The following ACOXL variants were observed in gnomAD, a reference collection of about 807,000 sequenced individuals.
ACOXL encodes acyl-coenzyme A oxidase-like protein.
ACOXL carries 70 observed loss-of-function variants against 71.9 expected under a neutral mutation model. The observed-to-expected ratio is 0.97, with a 90% CI of 0.80 to 1.19. The LOEUF is 1.19. Ranked by LOEUF, ACOXL falls within the 50% of genes most tolerant of loss-of-function variation. The pLI is 0.00. For synonymous variants in ACOXL, 253 were observed against 281.6 expected (o/e 0.90, Z 1.02); for missense variants, 703 against 736.3 (o/e 0.95, Z 0.52).
chr2:111,089,803 A>G (rs1385195151), intron 16 of ACOXL, among the ~76,000 whole-genome samples: 2 of 152,240 alleles, frequency 1.3e-5, no homozygotes, highest in African/African-American at 4.8e-5. Flanking sequence ...CTTTGCATGT[A>G]AAAGTATAGA....
intron 10 of ACOXL, among the ~76,000 whole-genome samples, chr2:110,871,548 G>T (rs13029175): frequency 0.32 from 48,281 of 151,892 alleles, 8,073 homozygotes; most frequent in South Asian, 0.49. Context: ...ACTGGTTGGG[G>T]ATGTGGCTCA....
At chr2:111,075,550 TATC>T (rs1439115918) in intron 16 of ACOXL, among the ~76,000 whole-genome samples, 3 of 152,066 alleles carry the variant, frequency 2.0e-5, no homozygotes, top group African/African-American at 7.2e-5. Flanking sequence ...TATTTTTCTC[TATC>T]ATATTTCTAT....
chr2:111,078,141 T>C (rs1443314513), intron 16 of ACOXL, among the ~76,000 whole-genome samples: 1 of 145,714 alleles, frequency 6.9e-6, no homozygotes, highest in African/African-American at 2.5e-5. Flanking sequence ...TCTATTATTC[T>C]ATCTTCTAGT....
chr2:110,748,967 A>G (rs1678582111), intron 1 of ACOXL, among the ~76,000 whole-genome samples: 1 of 152,236 alleles, frequency 6.6e-6, no homozygotes, highest in Non-Finnish European at 1.5e-5. Context: ...AAAAGGGACC[A>G]GGAAAAAGGG....
intron 16 of ACOXL, among the ~76,000 whole-genome samples, chr2:111,068,214 A>T (rs2149913413): frequency 6.6e-6 from 1 of 152,278 alleles, no homozygotes; most frequent in East Asian, 1.9e-4. Flanking sequence ...AAGGTGTTGG[A>T]GGCTGAGGAA....
intron 12 of ACOXL, among the ~76,000 whole-genome samples, chr2:110,975,287 T>C (rs533307850): frequency 6.6e-5 from 10 of 152,312 alleles, no homozygotes; most frequent in Non-Finnish European, 1.5e-4. Context: ...TCAAACAAAT[T>C]TCAAGACAGA....
At chr2:110,873,821 A>G (rs1695564547) in intron 10 of ACOXL, among the ~76,000 whole-genome samples, 1 of 152,212 alleles carries the variant, frequency 6.6e-6, no homozygotes, top group Admixed American at 6.5e-5. Context: ...ATACAGGGAG[A>G]CAGGCTCTCC....
At chr2:110,757,644 A>T (rs1679873413) in intron 1 of ACOXL, among the ~76,000 whole-genome samples, 1 of 151,468 alleles carries the variant, frequency 6.6e-6, no homozygotes, top group Non-Finnish European at 1.5e-5. Flanking sequence ...TTCTCTAATG[A>T]TCAGTGATGT....
chr2:110,956,205 A>T (rs2061495838), intron 12 of ACOXL, among the ~76,000 whole-genome samples: 2 of 152,022 alleles, frequency 1.3e-5, no homozygotes, highest in Admixed American at 6.6e-5. Context: ...GGATTACAGG[A>T]GTGCCACAGA....
At chr2:110,779,170 A>T (rs769796936) in intron 2 of ACOXL, among the ~76,000 whole-genome samples, 2 of 152,216 alleles carry the variant, frequency 1.3e-5, no homozygotes, top group South Asian at 2.1e-4. Context: ...CCTTTCATCA[A>T]TCCTGCACTG....
intron 14 of ACOXL, among the ~76,000 whole-genome samples, chr2:111,023,178 G>A (rs1312066970): frequency 2.0e-5 from 3 of 152,174 alleles, no homozygotes; most frequent in Non-Finnish European, 2.9e-5. Flanking sequence ...TTATTGATCA[G>A]GACTGGACTC....
chr2:111,050,551 T>C (rs1337303706), intron 16 of ACOXL, among the ~76,000 whole-genome samples: 1 of 152,228 alleles, frequency 6.6e-6, no homozygotes, highest in Non-Finnish European at 1.5e-5. Flanking sequence ...TTTTCTCTGC[T>C]CACCGGCCTT....
intron 11 of ACOXL, among the ~76,000 whole-genome samples, chr2:110,911,087 A>T (rs1451187510): frequency 6.6e-6 from 1 of 152,166 alleles, no homozygotes; most frequent in Non-Finnish European, 1.5e-5. Context: ...ATATAAGAGA[A>T]TACTATGAAC....
intron 2 of ACOXL, among the ~76,000 whole-genome samples, chr2:110,780,342 T>C (rs1683171073): frequency 6.6e-6 from 1 of 152,220 alleles, no homozygotes. Context: ...TCTCATTCAT[T>C]GTTGCGAGGA....
At chr2:110,883,792 T>C (rs1438257618) in intron 10 of ACOXL, among the ~76,000 whole-genome samples, 1 of 152,230 alleles carries the variant, frequency 6.6e-6, no homozygotes, top group African/African-American at 2.4e-5. Flanking sequence ...ACATGCTGCC[T>C]TTGAACTAGA....
intron 16 of ACOXL, among the ~76,000 whole-genome samples, chr2:111,076,508 T>G (rs1425608322): frequency 4.6e-5 from 7 of 152,236 alleles, no homozygotes; most frequent in Admixed American, 4.6e-4. Context: ...GTACACAACT[T>G]AGGTTTTTTT....
intron 3 of ACOXL, among the ~76,000 whole-genome samples, chr2:110,793,255 T>G (rs993613749): frequency 6.6e-6 from 1 of 151,872 alleles, no homozygotes; most frequent in African/African-American, 2.4e-5. Flanking sequence ...CACTTTCTCA[T>G]GGCAGGACTC....
At chr2:110,782,416 G>A (rs543347339) in intron 2 of ACOXL, among the ~76,000 whole-genome samples, 2 of 152,322 alleles carry the variant, frequency 1.3e-5, no homozygotes, top group South Asian at 4.1e-4. Context: ...CAGTAAGGCA[G>A]TCATTCTTAT....
chr2:110,852,838 C>T (rs186992367), intron 10 of ACOXL, among the ~76,000 whole-genome samples: 1 of 152,326 alleles, frequency 6.6e-6, no homozygotes, highest in East Asian at 1.9e-4. Context: ...CTATAAACTG[C>T]CATTCCCTGG....
Sources: gnomAD v4.1 joint callset for allele counts (sites outside exome capture counted in the v4.1 genomes callset) on GRCh38, gnomAD v4.1.1 for gene constraint, MANE v1.5 for transcripts, NCBI Gene and HGNC (gene_info 2026-07-23, HGNC 2026-07-21) for gene names.